Variants in YPEL2 observed in about 807,000 individuals in gnomAD.
YPEL2 encodes yippee like 2.
YPEL2 carries 2 observed loss-of-function variants against 19.1 expected under a neutral mutation model. That is an observed-to-expected ratio of 0.10 (90% CI 0.04 to 0.33). YPEL2 has a LOEUF of 0.33. YPEL2 is among the 10% of genes least tolerant of loss of function. YPEL2 has a pLI of 1.00. For synonymous variants in YPEL2, 52 were observed against 50.0 expected (o/e 1.04, Z -0.17); for missense variants, 66 against 140.7 (o/e 0.47, Z 2.68).
intron 2 of YPEL2, chr17:59,356,127 A>G (rs1364722888): frequency 6.6e-6 from 1 of 151,960 alleles, no homozygotes; most frequent in Non-Finnish European, 1.5e-5. Context: ...GTTCAAGGAG[A>G]GAATGTCTCT....
In YPEL2 at chr17:59,378,347, CTT is replaced by C. The variant is rs35976467; in HGVS notation, c.118-9966_118-9965del. ...ATGGCTTAAGTCCCAGAGTCTCCTC[CTT>C]TTTTTTTTTTTTTGAGACAAGTTCT... On this transcript the variant is annotated intron_variant, in intron 2 of 4. Transcript: ENST00000312655. Among the ~76,000 whole-genome samples the C allele has an allele frequency of 3.6e-3, 504 of 141,910 alleles. 5 individuals are homozygous for C. Among genetic ancestry groups the C allele is most frequent in the East Asian group, 2.9e-3 (14 of 4,780 alleles). 93.1% of individuals were successfully genotyped at this position (141,910 alleles called of 152,430 possible).
At chr17:59,364,584 CTG>C (rs895416391) in intron 2 of YPEL2, among the ~76,000 whole-genome samples, 2 of 149,782 alleles carry the variant, frequency 1.3e-5, no homozygotes, top group African/African-American at 2.5e-5. Flanking sequence ...CATTTAGTAG[CTG>C]TGTACATTAA....
intron 1 of YPEL2, among the ~76,000 whole-genome samples, chr17:59,347,459 C>T (rs994786350): frequency 2.6e-5 from 4 of 152,118 alleles, no homozygotes; most frequent in African/African-American, 4.8e-5. Flanking sequence ...CTCTGTGTTG[C>T]CTTTCTGAAA....
intron 2 of YPEL2, among the ~76,000 whole-genome samples, chr17:59,357,944 T>TGA (rs1411090262): frequency 6.6e-6 from 1 of 152,174 alleles, no homozygotes; most frequent in Non-Finnish European, 1.5e-5. Context: ...GGAGGTGGGA[T>TGA]GAGGAAACCT....
Position 59,397,819 on chromosome 17 carries a change from A to G in YPEL2, c.*629A>G. 6.6e-6 allele frequency: 1 copy of G among 152,618 alleles called. No individual in the cohort carries two copies. The highest frequency in any genetic ancestry group is 1.5e-5 in the Non-Finnish European group (1 of 68,232). 9.5% of individuals were successfully genotyped at this position (152,618 alleles called of 1,614,324 possible). A position where few individuals can be genotyped will look rare whatever the true frequency, so the allele number is the denominator to read the frequency against. ...GGCCCTGATTCTAGTTGGTGGGGCA[A>G]GGGCCTGGTTCTCCTGGGCTGAGTG... On this transcript the variant is annotated 3_prime_UTR_variant, in exon 5 of 5. Coordinates refer to ENST00000312655, the MANE Select transcript of YPEL2 (RefSeq NM_001005404.4).
At chr17:59,361,856 G>GC (rs1476689127) in intron 2 of YPEL2, among the ~76,000 whole-genome samples, 1 of 152,194 alleles carries the variant, frequency 6.6e-6, no homozygotes, top group Non-Finnish European at 1.5e-5. Context: ...ATTGAAGTGT[G>GC]CCTGGAAGCA....
Position 59,379,556 on chromosome 17 carries a change from TC to T in YPEL2, c.118-8769del, listed in dbSNP as rs2047938351. Among the ~76,000 whole-genome samples, 3 of 152,230 alleles carry T rather than the reference TC, an allele frequency of 2.0e-5. No individual in the cohort carries two copies. In the South Asian group the frequency reaches 6.2e-4, roughly 32 times the overall value. ...TAAAATGTATAGTGCCTGGAGCAAA[TC>T]CATAGAGACCGACAGTAGATTTATG... is the stretch of plus-strand genomic sequence containing the variant. On this transcript the variant is annotated intron_variant, in intron 2 of 4. Transcript: ENST00000312655.
chr17:59,350,517 A>G (rs1252414675), intron 1 of YPEL2, among the ~76,000 whole-genome samples: 1 of 152,128 alleles, frequency 6.6e-6, no homozygotes, highest in African/African-American at 2.4e-5. Context: ...AGCCTGGGCC[A>G]TTGCTTATAT....
intron 2 of YPEL2, among the ~76,000 whole-genome samples, chr17:59,360,286 C>T (rs1259433407): frequency 1.3e-5 from 2 of 152,144 alleles, no homozygotes; most frequent in Non-Finnish European, 2.9e-5. Context: ...ACCGTGTTGG[C>T]CAGGATGGTC....
intron 4 of YPEL2, among the ~76,000 whole-genome samples, chr17:59,394,871 G>A (rs1169641070): frequency 6.6e-6 from 1 of 152,228 alleles, no homozygotes; most frequent in East Asian, 1.9e-4. Flanking sequence ...CGGATCACTC[G>A]CGGTTAGGAG....
rs150868028 is a variant in YPEL2, at chr17:59,332,672, C to G, written c.-196+848C>G. On this transcript the variant is annotated intron_variant, in intron 1 of 4. Coordinates refer to ENST00000312655, the MANE Select transcript of YPEL2 (RefSeq NM_001005404.4). ...TCTGGACTTCTTGTCCGGAAGATTG[C>G]TACCTCTGCCTTCAGTCTTAGCTGC... Among the ~76,000 whole-genome samples, 100 of 152,282 alleles carry G rather than the reference C, an allele frequency of 6.6e-4. 1 individual carries two copies. The South Asian group carries it at 7.7e-3, about 12-fold the overall frequency.
At chr17:59,388,094 CT>C (rs1340539256) in intron 2 of YPEL2, among the ~76,000 whole-genome samples, 1 of 152,164 alleles carries the variant, frequency 6.6e-6, no homozygotes, top group Admixed American at 6.5e-5. Flanking sequence ...TTTTCATTTT[CT>C]CACCTGGGCT....
At chr17:59,345,840 T>C (rs1418223736) in intron 1 of YPEL2, among the ~76,000 whole-genome samples, 7 of 152,184 alleles carry the variant, frequency 4.6e-5, no homozygotes, top group Non-Finnish European at 1.5e-5. Flanking sequence ...CCAATTGCGT[T>C]ATCTCATTTC....
intron 2 of YPEL2, among the ~76,000 whole-genome samples, chr17:59,360,575 G>A (rs2047835665): frequency 6.6e-6 from 1 of 152,270 alleles, no homozygotes; most frequent in African/African-American, 2.4e-5. Flanking sequence ...TGAAAGCTCT[G>A]TCTCCTACTA....
At chr17:59,395,284 C>T (rs2048033106) in intron 4 of YPEL2, among the ~76,000 whole-genome samples, 1 of 152,154 alleles carries the variant, frequency 6.6e-6, no homozygotes, top group African/African-American at 2.4e-5. Context: ...TGTGCCTGAG[C>T]TCTTGTTCTG....
intron 4 of YPEL2, among the ~76,000 whole-genome samples, chr17:59,393,980 C>G (rs2048022680): frequency 6.6e-6 from 1 of 152,274 alleles, no homozygotes; most frequent in South Asian, 2.1e-4. Flanking sequence ...CTTTTCTATT[C>G]CACAAAACCG....
chr17:59,361,616 A>G lies in YPEL2; in HGVS notation c.117+8090A>G, dbSNP rs1386160204. Among the ~76,000 whole-genome samples, 3 of 152,310 alleles carry G rather than the reference A, an allele frequency of 2.0e-5. No homozygotes were observed. In the South Asian group the frequency reaches 6.2e-4, roughly 32 times the overall value. On this transcript the variant is annotated intron_variant, in intron 2 of 4. Transcript: ENST00000312655. ...ACTTATTACTCAGATAGAGATCTTT[A>G]TCAGTGAGTTTCAATCTGGGTCCGT...
intron 2 of YPEL2, among the ~76,000 whole-genome samples, chr17:59,357,144 A>T (rs1276855019): frequency 1.3e-5 from 2 of 152,180 alleles, no homozygotes; most frequent in East Asian, 3.8e-4. Flanking sequence ...TGGTTTGCAA[A>T]TTACAAACCT....
intron 2 of YPEL2, among the ~76,000 whole-genome samples, chr17:59,384,578 A>G (rs938018292): frequency 2.0e-5 from 3 of 152,238 alleles, no homozygotes; most frequent in African/African-American, 7.2e-5. Context: ...ATACCTATAC[A>G]TACAGGACAC....
Sources: allele counts gnomAD v4.1 joint callset (sites outside exome capture counted in the v4.1 genomes callset), GRCh38; gene constraint gnomAD v4.1.1; transcripts MANE v1.5; gene names NCBI Gene and HGNC (gene_info 2026-07-23, HGNC 2026-07-21).